CSMD1: variants seen among roughly 807,000 people sequenced by gnomAD.
The protein encoded by CSMD1 is CUB and sushi domain-containing protein 1.
Under a neutral mutation model 417.5 loss-of-function variants are expected in CSMD1, and 213 were observed. The ratio of observed to expected loss-of-function variants is 0.51; its 90% CI spans 0.46 to 0.57. The LOEUF is 0.57. Ranked by LOEUF, CSMD1 falls within the 20% of genes least tolerant of loss-of-function variation. The probability of loss-of-function intolerance (pLI) is 0.00; values close to 1 mark genes in which losing one functional copy is unlikely to be tolerated. For missense variants in CSMD1, 6,923 were observed against 4,529.7 expected (o/e 1.53, Z -15.17); for synonymous variants, 2,862 against 1,736.8 (o/e 1.65, Z -16.11).
intron 3 of CSMD1, among the ~76,000 whole-genome samples, chr8:4,060,352 A>C (rs1181060382): frequency 6.6e-6 from 1 of 152,214 alleles, no homozygotes; most frequent in Non-Finnish European, 1.5e-5. Flanking sequence ...GAATGGGCCA[A>C]AACTGGAAGC....
chr8:3,528,672 G>T (rs755918386), intron 10 of CSMD1, among the ~76,000 whole-genome samples: 1 of 152,180 alleles, frequency 6.6e-6, no homozygotes, highest in Non-Finnish European at 1.5e-5. Flanking sequence ...CTGGGACATG[G>T]TGGCTGCACC....
At chr8:4,764,077 T>A (rs911754953) in intron 1 of CSMD1, among the ~76,000 whole-genome samples, 2 of 152,216 alleles carry the variant, frequency 1.3e-5, no homozygotes, top group Non-Finnish European at 2.9e-5. Flanking sequence ...TCTGTCTGCA[T>A]CATCTATGCA....
chr8:4,150,315 G>A (rs562063728), intron 3 of CSMD1, among the ~76,000 whole-genome samples: 1 of 152,108 alleles, frequency 6.6e-6, no homozygotes, highest in South Asian at 2.1e-4. Context: ...CTGTTAGGAA[G>A]GACATCTCTA....
chr8:4,558,656 C>T (rs748401792), intron 2 of CSMD1, among the ~76,000 whole-genome samples: 3 of 152,126 alleles, frequency 2.0e-5, no homozygotes, highest in African/African-American at 4.8e-5. Context: ...CATCTGAGGT[C>T]AGGAGTTCTA....
At chr8:4,320,269 G>C (rs11136729) in intron 3 of CSMD1, among the ~76,000 whole-genome samples, 1 of 152,032 alleles carries the variant, frequency 6.6e-6, no homozygotes, top group Non-Finnish European at 1.5e-5. Context: ...CCCACAACAA[G>C]TAGGAAAATA....
chr8:4,651,815 C>G (rs1035343085), intron 1 of CSMD1, among the ~76,000 whole-genome samples: 2 of 152,172 alleles, frequency 1.3e-5, no homozygotes, highest in Admixed American at 6.5e-5. Flanking sequence ...ATTTGATTTA[C>G]TGAACCAAAC....
At chr8:4,870,826 C>G (rs1387778769) in intron 1 of CSMD1, among the ~76,000 whole-genome samples, 1 of 152,172 alleles carries the variant, frequency 6.6e-6, no homozygotes, top group Non-Finnish European at 1.5e-5. Flanking sequence ...AGTGCATTTG[C>G]TGGCTCCCCT....
At chr8:3,024,827 T>C (rs916232159) in intron 51 of CSMD1, among the ~76,000 whole-genome samples, 4 of 152,204 alleles carry the variant, frequency 2.6e-5, no homozygotes, top group African/African-American at 7.2e-5. Context: ...TTGTGAAACA[T>C]ACATAGATAA....
intron 10 of CSMD1, among the ~76,000 whole-genome samples, chr8:3,519,232 C>T (rs532592347): frequency 6.6e-6 from 1 of 152,250 alleles, no homozygotes; most frequent in East Asian, 1.9e-4. Context: ...TTTTTCTTTC[C>T]CTGCATATAA....
intron 3 of CSMD1, among the ~76,000 whole-genome samples, chr8:4,151,546 A>G (rs959532190): frequency 1.6e-4 from 24 of 152,234 alleles, no homozygotes; most frequent in Non-Finnish European, 3.4e-4. Context: ...GACTTATACC[A>G]TAACATTAAA....
At chr8:3,733,575 T>C (rs979632871) in intron 6 of CSMD1, among the ~76,000 whole-genome samples, 1 of 151,996 alleles carries the variant, frequency 6.6e-6, no homozygotes, top group East Asian at 1.9e-4. Flanking sequence ...GGGCCATTCT[T>C]CGAGTGTGAT....
At chr8:4,123,163 G>C (rs778654048) in intron 3 of CSMD1, among the ~76,000 whole-genome samples, 5 of 152,236 alleles carry the variant, frequency 3.3e-5, no homozygotes, top group Non-Finnish European at 5.9e-5. Context: ...TCCATGCTGA[G>C]ATGTTTTTTA....
At chr8:4,154,762 T>C (rs1027626011) in intron 3 of CSMD1, among the ~76,000 whole-genome samples, 3 of 152,064 alleles carry the variant, frequency 2.0e-5, no homozygotes, top group Admixed American at 6.5e-5. Context: ...CCCCGTAAGA[T>C]ATGAATATCA....
At chr8:4,895,776 G>T (rs1028076843) in intron 1 of CSMD1, among the ~76,000 whole-genome samples, 1 of 151,428 alleles carries the variant, frequency 6.6e-6, no homozygotes, top group Admixed American at 6.6e-5. Context: ...CTTTACCAAA[G>T]TAAATTTAAA....
chr8:3,516,023 A>G (rs1435715158), intron 10 of CSMD1, among the ~76,000 whole-genome samples: 1 of 152,208 alleles, frequency 6.6e-6, no homozygotes, highest in Non-Finnish European at 1.5e-5. Context: ...TTAACTCAAC[A>G]TCTCTGTGGA....
chr8:4,132,856 G>A (rs541396805), intron 3 of CSMD1, among the ~76,000 whole-genome samples: 7 of 152,048 alleles, frequency 4.6e-5, no homozygotes, highest in Non-Finnish European at 1.0e-4. Flanking sequence ...AAGACAACTA[G>A]GATATATGAA....
At chr8:4,149,823 T>C (rs920436214) in intron 3 of CSMD1, among the ~76,000 whole-genome samples, 1 of 152,242 alleles carries the variant, frequency 6.6e-6, no homozygotes, top group Admixed American at 6.5e-5. Flanking sequence ...AAAATACCAC[T>C]TTAATTGGTT....
chr8:4,424,337 TCAA>T (rs1293322924), intron 2 of CSMD1, among the ~76,000 whole-genome samples: 2 of 151,494 alleles, frequency 1.3e-5, no homozygotes, highest in Non-Finnish European at 2.9e-5. Context: ...CTCTCCAGAC[TCAA>T]CAACAAAAGG....
intron 54 of CSMD1, among the ~76,000 whole-genome samples, chr8:2,987,435 TA>T (rs1486626512): frequency 2.7e-5 from 4 of 148,380 alleles, no homozygotes; most frequent in African/African-American, 4.9e-5. Flanking sequence ...TAAATATATA[TA>T]AGAAATATAT....
Sources: allele counts gnomAD v4.1 joint callset (sites outside exome capture counted in the v4.1 genomes callset), GRCh38; gene constraint gnomAD v4.1.1; transcripts MANE v1.5; gene names NCBI Gene and HGNC (gene_info 2026-07-23, HGNC 2026-07-21).